CHRNB1: variants seen among roughly 807,000 people sequenced by gnomAD.
CHRNB1 encodes cholinergic receptor nicotinic beta 1 subunit, also known as acetylcholine receptor subunit beta.
CHRNB1 carries 47 observed loss-of-function variants against 53.8 expected under a neutral mutation model. The observed-to-expected ratio is 0.87, with a 90% confidence interval of 0.69 to 1.11. The LOEUF (loss-of-function observed/expected upper bound fraction) is 1.11. CHRNB1 is among the 50% of genes most tolerant of loss of function. CHRNB1 has a pLI of 0.00. For synonymous variants in CHRNB1, 259 were observed against 263.5 expected, an observed-to-expected ratio of 0.98 and a Z score of 0.16; for missense variants, 605 against 654.9, an observed-to-expected ratio of 0.92 and a Z score of 0.83.
rs1351230064 is a variant in CHRNB1 at position 7,445,178 on chromosome 17, C to T, written c.51C>T (p.Leu17=). Residue 17 remains leucine (L), a synonymous_variant, in exon 1 of 11, where the codon CTC becomes CTT. Transcript: ENST00000306071. The surrounding 1 kb of genome is among the most constrained non-coding windows in gnomAD (Gnocchi z 5.7). ...LMLLGALGAP[L]APGVRGSEAE... ...TGCTGGGGGCGCTGGGGGCGCCGCT[C>T]GCCCCAGGTAAGTGTAGGCCCCGAA... is the stretch of plus-strand genomic sequence containing the variant. The T allele has an allele frequency of 3.1e-6, 5 of 1,609,532 alleles. No individual in the cohort carries two copies. The highest frequency in any genetic ancestry group is 1.7e-6 in the Non-Finnish European group (2 of 1,179,296).
In CHRNB1 at chr17:7,445,180, C is replaced by G. The variant is rs534380483; in HGVS notation, c.53C>G (p.Ala18Gly). 215 of 1,610,146 alleles carry G rather than the reference C, an allele frequency of 1.3e-4. 3 individuals carry two copies. The South Asian group carries it at 2.1e-3, about 16-fold the overall frequency. ...MLLGALGAPL[A>G]PGVRGSEAEG... ...CTGGGGGCGCTGGGGGCGCCGCTCGCCCCAGGTAAGTGTAGGCCCCGAAGG... is the reference window on the plus strand; with the variant it reads ...CTGGGGGCGCTGGGGGCGCCGCTCGGCCCAGGTAAGTGTAGGCCCCGAAGG... Residue 18 changes from alanine to glycine, a missense_variant, in exon 1 of 11, where the codon GCC (alanine) becomes GGC (glycine). Ala to Gly is a moderately conservative substitution (Grantham distance 60). Transcript: ENST00000306071. This position sits in a 1 kb window ranked among gnomAD's most constrained non-coding sequence, Gnocchi z 5.7.
Position 7,456,693 on chromosome 17 carries a change from C to T in CHRNB1, c.1476C>T (p.Tyr492=), listed in dbSNP as rs758446047. 5 of 1,614,206 alleles carry T rather than the reference C, an allele frequency of 3.1e-6. No individual in the cohort carries two copies. Among genetic ancestry groups the T allele is most frequent in the South Asian group, 1.1e-5 (1 of 91,090 alleles). Residue 492 remains tyrosine, a synonymous_variant, in exon 11 of 11, where the codon TAC becomes TAT. Transcript: ENST00000306071. ...GTLVIFLDAT[Y]HLPPPDPFP ...TAGTCATCTTCCTGGACGCCACGTA[C>T]CACTTGCCCCCTCCAGACCCCTTTC...
intron 7 of CHRNB1, among the ~76,000 whole-genome samples, chr17:7,452,789 A>G (rs1193386834): frequency 1.3e-5 from 2 of 152,190 alleles, no homozygotes; most frequent in African/African-American, 4.8e-5. Context: ...TTGGGAGGCT[A>G]AGGTGGGCAG....
In CHRNB1 at chr17:7,445,778, G is replaced by T; in HGVS notation, c.199-291G>T. 2 of 646,016 alleles carry T rather than the reference G, an allele frequency of 3.1e-6. No homozygotes were observed. The highest frequency in any genetic ancestry group is 2.8e-5 in the East Asian group (1 of 35,656). 40.0% of individuals were successfully genotyped at this position (646,016 alleles called of 1,614,324 possible). A position where few individuals can be genotyped will look rare whatever the true frequency, so the allele number is the denominator to read the frequency against. ...ATAAATGGCAGCGGGTGGAGGTTCG[G>T]GGCTGGGTGGATTATGAGCTGAAGG... On this transcript the variant is annotated intron_variant, in intron 2 of 10. Transcript: ENST00000306071. This position sits in a 1 kb window ranked among gnomAD's most constrained non-coding sequence, Gnocchi z 5.7.
chr17:7,446,594 C>T, intron 3 of CHRNB1: 1 of 583,860 alleles, frequency 1.7e-6, no homozygotes, highest in African/African-American at 1.9e-5. Context: ...AGGCTAGCTA[C>T]TGCAGCCTCC....
intron 8 of CHRNB1, among the ~76,000 whole-genome samples, 188 bp from the exon 9 acceptor site, chr17:7,455,096 A>G (rs2069935068): frequency 6.6e-6 from 1 of 151,640 alleles, no homozygotes; most frequent in South Asian, 2.1e-4. Context: ...AGCCACCGCG[A>G]CAGGCCCAAC....
chr17:7,451,143 T>C (rs553101144), intron 7 of CHRNB1, among the ~76,000 whole-genome samples: 1 of 152,190 alleles, frequency 6.6e-6, no homozygotes, highest in African/African-American at 2.4e-5. Context: ...CCAGAACCAC[T>C]GATGCTGAGT....
chr17:7,455,318 T>C lies in CHRNB1; in HGVS notation c.1079T>C (p.Leu360Pro), dbSNP rs747724114. Residue 360 changes from leucine to proline, a missense_variant, in exon 9 of 11, where the codon CTA (leucine) becomes CCA (proline). By Grantham distance (98) the Leu-to-Pro change is moderately conservative (BLOSUM62 -3). Coordinates refer to ENST00000306071, the MANE Select transcript of CHRNB1 (RefSeq NM_000747.3). ...CACAAACTTCCGCTGTACCTGCGTC[T>C]AAAAAGGCCCAAACCCGAGAGAGAC... is the stretch of plus-strand genomic sequence containing the variant. ...FIHKLPLYLR[L>P]KRPKPERDLM... 6.2e-7 allele frequency: 1 copy of C among 1,614,120 alleles called. No homozygotes were observed. The highest frequency in any genetic ancestry group is 1.7e-5 in the Admixed American group (1 of 60,004).
rs761970777 is a variant in CHRNB1, at chr17:7,455,355, G to A, written c.1116G>A (p.Glu372=). ...RPKPERDLMP[E]PPHCSSPGSG... The stretch of plus-strand genomic sequence containing the variant: ...AACCCGAGAGAGACCTGATGCCGGA[G>A]CCCCCTCACTGTTCTTCTCCAGGAA... The change falls in exon 9 of 11, where the codon GAG becomes GAA. Residue 372 remains glutamate, a synonymous_variant. Transcript: ENST00000306071. The A allele has an allele frequency of 9.3e-6, 15 of 1,614,140 alleles. No individual in the cohort carries two copies. In the Admixed American group the frequency reaches 2.3e-4, roughly 25 times the overall value.
rs577977209 is a variant in CHRNB1 at position 7,447,002 on chromosome 17, G to A, written c.354-41G>A. 22 of 1,607,940 alleles carry A rather than the reference G, an allele frequency of 1.4e-5. No individual in the cohort carries two copies. The South Asian group carries it at 2.0e-4, about 14-fold the overall frequency. ...GGGCCTCGGGGGGCGGGGGGCCTCC[G>A]GGCGCGGGGCCTGATCCCTGATGAG... On this transcript the variant is annotated intron_variant, in intron 4 of 10. Coordinates refer to ENST00000306071, the MANE Select transcript of CHRNB1 (RefSeq NM_000747.3).
chr17:7,447,022 G>T (rs780576388), intron 4 of CHRNB1, 21 bp from the exon 5 acceptor site: 1 of 1,612,916 alleles, frequency 6.2e-7, no homozygotes, highest in Non-Finnish European at 8.5e-7. Flanking sequence ...CCTGATCCCT[G>T]ATGAGATCCC....
intron 8 of CHRNB1, 52 bp downstream of exon 8, chr17:7,454,572 G>A (rs780728641): frequency 7.1e-7 from 1 of 1,415,048 alleles, no homozygotes; most frequent in South Asian, 1.2e-5. Flanking sequence ...AGACCATAGG[G>A]AGAACTATAG....
intron 7 of CHRNB1, among the ~76,000 whole-genome samples, chr17:7,450,608 T>C (rs2150840466): frequency 2.0e-5 from 3 of 152,374 alleles, no homozygotes; most frequent in Middle Eastern, 6.8e-3. Context: ...TTTGTTTTTC[T>C]TTTTTGAACA....
chr17:7,454,457 C>T lies in CHRNB1; in HGVS notation c.981C>T (p.Val327=), dbSNP rs1195435380. The T allele has an allele frequency of 6.8e-6, 11 of 1,614,096 alleles. No homozygotes were observed. The highest frequency in any genetic ancestry group is 3.3e-5 in the Admixed American group (2 of 60,000). The change falls in exon 8 of 11, where the codon GTC becomes GTT. Residue 327 remains valine (V), a synonymous_variant. Transcript: ENST00000306071. Reference sequence around the variant, plus strand: ...TCACCTTCTCAGTCATCCTTAGTGTCGTGGTTCTCAACCTGCACCACCGCT... The same window carrying T: ...TCACCTTCTCAGTCATCCTTAGTGTTGTGGTTCTCAACCTGCACCACCGCT... ...VLVTFSVILS[V]VVLNLHHRSP...
At position 7,455,467 on chromosome 17, in the gene CHRNB1, G is replaced by A. The variant is rs1017100339; in HGVS notation, c.1217+11G>A. On this transcript the variant is annotated intron_variant, in intron 9 of 10. Coordinates refer to ENST00000306071, the MANE Select transcript of CHRNB1 (RefSeq NM_000747.3). ...CCCCAAACCCAATAGGTAGGACTAC[G>A]CCCGTTACCCACATAAGAGGGAGAG... The A allele has an allele frequency of 6.2e-7, 1 of 1,613,894 alleles. No homozygotes were observed.
In CHRNB1 at chr17:7,455,266, GC is replaced by G; in HGVS notation, c.1045-16del. 1 of 1,613,848 alleles carries G rather than the reference GC, an allele frequency of 6.2e-7. No individual in the cohort carries two copies. Among genetic ancestry groups the G allele is most frequent in the South Asian group, 1.1e-5 (1 of 91,060 alleles). ...AAAGCATGAAAGCCCCCACCAATAC[GC>G]CTCTTCTACTCTGCAGATCTTCATT... is the stretch of plus-strand genomic sequence containing the variant. On this transcript the variant is annotated splice_polypyrimidine_tract_variant and intron_variant, in intron 8 of 10. Coordinates refer to ENST00000306071, the MANE Select transcript of CHRNB1 (RefSeq NM_000747.3).
At chr17:7,446,333 G>GTGTGTGTGTC in intron 3 of CHRNB1, 2 of 251,560 alleles carry the variant, frequency 8.0e-6, no homozygotes, top group South Asian at 7.6e-5. Flanking sequence ...GTGTCTGTGT[G>GTGTGTGTGTC]TGTGTGTGTG....
intron 8 of CHRNB1, 133 bp from the exon 9 acceptor site, chr17:7,455,151 A>T: frequency 9.8e-7 from 1 of 1,018,146 alleles, no homozygotes; most frequent in East Asian, 2.4e-5. Context: ...TTCCTTGTGT[A>T]GCTCGTTTGT....
At chr17:7,447,233 CCATCCTT>C in intron 5 of CHRNB1, 82 bp downstream of exon 5, 1 of 1,168,058 alleles carries the variant, frequency 8.6e-7, no homozygotes, top group Non-Finnish European at 1.3e-6. Context: ...CCGGCGACTC[CCATCCTT>C]CATCCTTCCC....
Sources: gnomAD v4.1 joint callset for allele counts (sites outside exome capture counted in the v4.1 genomes callset) on GRCh38, gnomAD v4.1.1 for gene constraint, Gnocchi (gnomAD v3.1) non-coding constraint, MANE v1.5 for transcripts, NCBI Gene and HGNC (gene_info 2026-07-23, HGNC 2026-07-21) for gene names.